The following TFB1M variants were observed in gnomAD, a reference collection of about 807,000 sequenced individuals.
TFB1M encodes transcription factor B1, mitochondrial.
Under a neutral mutation model 31.1 loss-of-function variants are expected in TFB1M, and 27 were observed. The ratio of observed to expected loss-of-function variants is 0.87; its 90% CI spans 0.64 to 1.20. TFB1M has a LOEUF of 1.20. TFB1M is among the 50% of genes most tolerant of loss of function. TFB1M has a pLI of 0.00. For synonymous variants in TFB1M, 166 were observed against 151.8 expected, an observed-to-expected ratio of 1.09 and a Z score of -0.69; for missense variants, 394 against 418.7, an observed-to-expected ratio of 0.94 and a Z score of 0.51.
chr6:155,259,092 G>C (rs1784266800), intron 6 of TFB1M, among the ~76,000 whole-genome samples: 1 of 152,188 alleles, frequency 6.6e-6, no homozygotes, highest in African/African-American at 2.4e-5. Context: ...ACCAATTCCA[G>C]GATTTCCAAA....
the TFB1M span, among the ~76,000 whole-genome samples, chr6:155,249,471 CTT>C: frequency 6.6e-6 from 1 of 152,176 alleles, no homozygotes; most frequent in Non-Finnish European, 1.5e-5. Flanking sequence ...CCTGCACTCA[CTT>C]TTCTCATCTG....
At chr6:155,283,996 G>A (rs1273140154) in intron 5 of TFB1M, among the ~76,000 whole-genome samples, 2 of 152,136 alleles carry the variant, frequency 1.3e-5, no homozygotes, top group East Asian at 1.9e-4. Flanking sequence ...GAAGTCATTC[G>A]CAATGTCTCT....
intron 3 of TFB1M, among the ~76,000 whole-genome samples, chr6:155,298,030 A>G (rs1777254623): frequency 1.3e-5 from 2 of 152,386 alleles, no homozygotes; most frequent in South Asian, 4.1e-4. Context: ...GAAGGGCTGC[A>G]CACAGCAGGT....
downstream of TFB1M, chr6:155,252,815 T>C (rs1293863648): frequency 1.4e-6 from 1 of 720,750 alleles, no homozygotes; most frequent in Non-Finnish European, 2.3e-6. Flanking sequence ...GATTGACTTC[T>C]GTGCCCTGAA....
At chr6:155,283,547 T>A (rs1289727189) in intron 5 of TFB1M, among the ~76,000 whole-genome samples, 1 of 152,220 alleles carries the variant, frequency 6.6e-6, no homozygotes, top group Non-Finnish European at 1.5e-5. Flanking sequence ...CATATGTACC[T>A]TACCACTAAA....
chr6:155,291,713 A>G (rs1025807102), intron 4 of TFB1M, among the ~76,000 whole-genome samples: 1 of 152,142 alleles, frequency 6.6e-6, no homozygotes, highest in Non-Finnish European at 1.5e-5. Context: ...TCCACTAGAG[A>G]CCAGAGCCCC....
Position 155,256,879 on chromosome 6 carries a change from GGA to G in TFB1M, c.*955_*956del, listed in dbSNP as rs1333730521. 5.0e-6 allele frequency: 8 copies of G among 1,614,116 alleles called. No individual in the cohort carries two copies. Among genetic ancestry groups the G allele is most frequent in the Admixed American group, 1.7e-5 (1 of 60,012 alleles). On this transcript the variant is annotated 3_prime_UTR_variant, in exon 7 of 7. Transcript: ENST00000367166. ...GGAGTCGGGTGAGGGTCAGAAAGGAGGAGAGCAGCCCAAACTGGTCCGGGGGC... is the reference window on the plus strand; with the variant it reads ...GGAGTCGGGTGAGGGTCAGAAAGGAGGAGCAGCCCAAACTGGTCCGGGGGC...
In TFB1M at chr6:155,257,145, T is replaced by TAA. The variant is rs1562380624; in HGVS notation, c.*689_*690dup. The stretch of plus-strand genomic sequence containing the variant: ...AGTATGATTCAATCCAGATATGGGT[T>TAA]AAATTCCTCATTTTACTTTTAAACT... On this transcript the variant is annotated 3_prime_UTR_variant, in exon 7 of 7. Transcript: ENST00000367166. 6.3e-7 allele frequency: 1 copy of TAA among 1,584,422 alleles called. No homozygotes were observed. Among genetic ancestry groups the TAA allele is most frequent in the Admixed American group, 1.7e-5 (1 of 58,498 alleles).
chr6:155,230,791 A>G, the TFB1M span, among the ~76,000 whole-genome samples: 1 of 152,034 alleles, frequency 6.6e-6, no homozygotes, highest in African/African-American at 2.4e-5. Context: ...ATATAAGTAA[A>G]TATACATAAA....
At chr6:155,276,188 A>G (rs1276247557) in intron 5 of TFB1M, 1 of 1,614,136 alleles carries the variant, frequency 6.2e-7, no homozygotes, top group Middle Eastern at 1.6e-4. Flanking sequence ...AGAAAGCAAC[A>G]AACATGAACC....
chr6:155,311,070 G>A, intron 2 of TFB1M, 118 bp downstream of exon 2: 1 of 1,109,728 alleles, frequency 9.0e-7, no homozygotes, highest in Admixed American at 1.8e-5. Context: ...GGGGCCTTGG[G>A]GATCTATAGT....
intron 4 of TFB1M, among the ~76,000 whole-genome samples, chr6:155,289,410 T>G (rs1271622089): frequency 1.3e-5 from 2 of 152,210 alleles, no homozygotes; most frequent in Non-Finnish European, 2.9e-5. Context: ...TTAAACCTTT[T>G]GAGCCTCAGT....
chr6:155,263,947 A>C (rs879243219), intron 5 of TFB1M: 1 of 149,610 alleles, frequency 6.7e-6, no homozygotes, highest in Admixed American at 6.7e-5. Flanking sequence ...GGGCTAGTGA[A>C]AAAAAAAAAA....
Position 155,257,022 on chromosome 6 carries a change from C to T in TFB1M, c.*814G>A. On this transcript the variant is annotated 3_prime_UTR_variant, in exon 7 of 7. Coordinates refer to ENST00000367166, the MANE Select transcript of TFB1M (RefSeq NM_016020.4). ...GTCAGTCTGAAAATGCCACCATCGA[C>T]CTAAATTCTGTTCTAGAGCGAGAAT... is the stretch of plus-strand genomic sequence containing the variant. 6.2e-7 allele frequency: 1 copy of T among 1,614,158 alleles called. No individual in the cohort carries two copies.
chr6:155,271,573 C>G (rs1784917285), intron 5 of TFB1M, among the ~76,000 whole-genome samples: 2 of 151,980 alleles, frequency 1.3e-5, no homozygotes, highest in Admixed American at 1.3e-4. Context: ...AAAAAACTTT[C>G]TTCTGAATGA....
chr6:155,236,159 A>G, the TFB1M span, among the ~76,000 whole-genome samples: 1 of 151,996 alleles, frequency 6.6e-6, no homozygotes, highest in African/African-American at 2.4e-5. Flanking sequence ...GGCCACAACC[A>G]GAACACCAGA....
the TFB1M span, among the ~76,000 whole-genome samples, chr6:155,237,655 T>C: frequency 6.6e-6 from 1 of 152,188 alleles, no homozygotes; most frequent in Non-Finnish European, 1.5e-5. Flanking sequence ...TTATGTGCAC[T>C]GGCAGGCTCA....
chr6:155,246,518 G>A, the TFB1M span, among the ~76,000 whole-genome samples: 1 of 152,000 alleles, frequency 6.6e-6, no homozygotes, highest in African/African-American at 2.4e-5. Context: ...AAAAATGTTC[G>A]TAGAAATGGG....
rs752484817 is a variant in TFB1M, at chr6:155,275,808, G to A, written c.666+9350C>T. On this transcript the variant is annotated intron_variant, in intron 5 of 6. Transcript: ENST00000367166. The stretch of plus-strand genomic sequence containing the variant: ...CTCACAGCCACTCTGCTGCCCAACT[G>A]GAAGGTGAATGTGGATGTGGACTCC... 1.8e-5 allele frequency: 29 copies of A among 1,614,084 alleles called. 1 individual carries two copies. The South Asian group carries it at 3.2e-4, about 18-fold the overall frequency.
Sources: allele counts gnomAD v4.1 joint callset (sites outside exome capture counted in the v4.1 genomes callset), GRCh38; gene constraint gnomAD v4.1.1; transcripts MANE v1.5; gene names NCBI Gene and HGNC (gene_info 2026-07-23, HGNC 2026-07-21).